The following ASIC2 variants were observed in gnomAD, a reference collection of about 807,000 sequenced individuals.
The protein encoded by ASIC2 is acid-sensing ion channel 2.
A neutral mutation model predicts 57.3 loss-of-function variants in ASIC2; 25 were observed. The observed-to-expected ratio is 0.44, with a 90% CI of 0.32 to 0.61. The LOEUF is 0.61. Ranked by LOEUF, ASIC2 falls within the 20% of genes least tolerant of loss-of-function variation. The probability of loss-of-function intolerance (pLI) is 0.06; values close to 1 mark genes in which losing one functional copy is unlikely to be tolerated. For missense variants in ASIC2, 641 were observed against 738.1 expected (o/e 0.87, Z 1.52); for synonymous variants, 319 against 307.5 (o/e 1.04, Z -0.39).
intron 1 of ASIC2, among the ~76,000 whole-genome samples, chr17:33,910,292 C>G (rs981941026): frequency 5.9e-5 from 9 of 152,136 alleles, no homozygotes; most frequent in African/African-American, 2.2e-4. Flanking sequence ...GACAGTGTGT[C>G]TGGAGCTTAA....
chr17:33,890,440 C>T lies in ASIC2; in HGVS notation c.555+265538G>A, dbSNP rs559492331. On this transcript the variant is annotated intron_variant, in intron 1 of 9. Transcript: ENST00000359872. ...TAATAGTGGAAACCAACATTCATCA[C>T]GTGTTTGCCTTATGCCACCATGATT... Among the ~76,000 whole-genome samples, 102 of 152,344 alleles carry T rather than the reference C, an allele frequency of 6.7e-4. 1 individual carries two copies. Among genetic ancestry groups the T allele is most frequent in the Non-Finnish European group, 1.3e-3 (88 of 68,020 alleles).
At chr17:33,901,220 C>T (rs1352864380) in intron 1 of ASIC2, among the ~76,000 whole-genome samples, 1 of 152,160 alleles carries the variant, frequency 6.6e-6, no homozygotes, top group Non-Finnish European at 1.5e-5. Flanking sequence ...TCATCCATGC[C>T]TCTTGCATAT....
intron 1 of ASIC2, among the ~76,000 whole-genome samples, chr17:33,847,984 T>C (rs1329466512): frequency 2.6e-5 from 4 of 152,120 alleles, no homozygotes; most frequent in African/African-American, 9.7e-5. Flanking sequence ...ATGCATTGTC[T>C]CTACTTGACA....
At chr17:33,556,250 G>GACA (rs1187422262) in intron 1 of ASIC2, among the ~76,000 whole-genome samples, 2 of 152,192 alleles carry the variant, frequency 1.3e-5, no homozygotes, top group African/African-American at 4.8e-5. Context: ...GGGGAGAAGA[G>GACA]ACAATCTTAA....
intron 1 of ASIC2, among the ~76,000 whole-genome samples, chr17:33,287,999 T>A (rs558478990): frequency 6.6e-6 from 1 of 152,238 alleles, no homozygotes; most frequent in East Asian, 1.9e-4. Flanking sequence ...CAACAGGGAA[T>A]GTTGGGGGTA....
At chr17:33,502,940 G>T (rs929633902) in intron 1 of ASIC2, among the ~76,000 whole-genome samples, 4 of 152,096 alleles carry the variant, frequency 2.6e-5, no homozygotes, top group Non-Finnish European at 1.5e-5. Flanking sequence ...TTACAGGAAG[G>T]CGCATTTAAG....
chr17:33,757,685 A>G (rs1910651592), intron 1 of ASIC2, among the ~76,000 whole-genome samples: 1 of 152,234 alleles, frequency 6.6e-6, no homozygotes, highest in Non-Finnish European at 1.5e-5. Flanking sequence ...AAATGTATCA[A>G]AACACTCTTC....
Position 33,640,387 on chromosome 17 carries a change from G to A in ASIC2, c.555+515591C>T, listed in dbSNP as rs17249908. ...TTCGCCAAAAGACAAGTCACGAATC[G>A]AAACATGTTTAATCATTGTTTGCTT... On this transcript the variant is annotated intron_variant, in intron 1 of 9. Transcript: ENST00000359872. Among the ~76,000 whole-genome samples, 139 of 152,264 alleles carry A rather than the reference G, an allele frequency of 9.1e-4. 2 individuals are homozygous for A. In the East Asian group the frequency reaches 0.021, roughly 23 times the overall value.
At chr17:33,951,346 A>G (rs1260132962) in intron 1 of ASIC2, among the ~76,000 whole-genome samples, 1 of 152,148 alleles carries the variant, frequency 6.6e-6, no homozygotes, top group East Asian at 1.9e-4. Context: ...TAAAGCACAT[A>G]AAAGGTAGAA....
At chr17:34,076,008 T>A (rs574095438) in intron 1 of ASIC2, among the ~76,000 whole-genome samples, 142 of 151,536 alleles carry the variant, frequency 9.4e-4, no homozygotes, top group African/African-American at 3.1e-3. Context: ...TTTTTTATTT[T>A]TATTTTTTTT....
chr17:33,903,863 G>A (rs982560999), intron 1 of ASIC2, among the ~76,000 whole-genome samples: 7 of 152,062 alleles, frequency 4.6e-5, no homozygotes, highest in African/African-American at 1.7e-4. Context: ...AGCAGATGGG[G>A]CTTAAAGAAT....
At chr17:33,571,391 C>T (rs985622484) in intron 1 of ASIC2, among the ~76,000 whole-genome samples, 1 of 152,192 alleles carries the variant, frequency 6.6e-6, no homozygotes, top group African/African-American at 2.4e-5. Context: ...CCTAGAGGAA[C>T]TTTGTTTTGT....
At chr17:33,242,636 C>G (rs1344231631) in intron 1 of ASIC2, among the ~76,000 whole-genome samples, 1 of 152,202 alleles carries the variant, frequency 6.6e-6, no homozygotes, top group Non-Finnish European at 1.5e-5. Context: ...GCCTTAAGCC[C>G]TTGACATTCA....
chr17:33,828,519 A>G (rs1255209067), intron 1 of ASIC2: 1 of 152,034 alleles, frequency 6.6e-6, no homozygotes, highest in Non-Finnish European at 1.5e-5. Flanking sequence ...ATGGCATGAA[A>G]CCTCCAAGAA....
intron 1 of ASIC2, among the ~76,000 whole-genome samples, chr17:33,397,649 G>A (rs936039609): frequency 6.6e-6 from 1 of 152,054 alleles, no homozygotes; most frequent in Non-Finnish European, 1.5e-5. Context: ...TGGGGATCTG[G>A]GACAGGGTAG....
chr17:33,828,249 G>A, intron 1 of ASIC2: 1 of 152,258 alleles, frequency 6.6e-6, no homozygotes. Flanking sequence ...AAATCTGAGG[G>A]TATTTAGTCT....
intron 1 of ASIC2, chr17:33,816,882 A>T (rs1411075019): frequency 6.6e-6 from 1 of 152,236 alleles, no homozygotes; most frequent in Non-Finnish European, 1.5e-5. Flanking sequence ...ATGAAGTTTG[A>T]TTTTTAATTC....
intron 1 of ASIC2, among the ~76,000 whole-genome samples, chr17:34,049,966 G>C (rs1215362803): frequency 1.3e-5 from 2 of 152,134 alleles, no homozygotes; most frequent in African/African-American, 4.8e-5. Context: ...AACTATTTCT[G>C]AGTCTCCAGC....
chr17:34,038,877 C>T, intron 1 of ASIC2: 2 of 1,612,608 alleles, frequency 1.2e-6, no homozygotes, highest in Non-Finnish European at 1.7e-6. Flanking sequence ...TCTATCTCTT[C>T]CCTCTGTGAA....
Sources: allele counts gnomAD v4.1 joint callset (sites outside exome capture counted in the v4.1 genomes callset), GRCh38; gene constraint gnomAD v4.1.1; transcripts MANE v1.5; gene names NCBI Gene and HGNC (gene_info 2026-07-23, HGNC 2026-07-21).